The following MAP4K3 variants were observed in gnomAD, a reference collection of about 807,000 sequenced individuals.
MAP4K3 encodes the protein mitogen-activated protein kinase kinase kinase kinase 3, also known as MAPK/ERK kinase kinase kinase 3.
In MAP4K3, 94 loss-of-function variants were observed where a neutral mutation model predicts 143.5. The ratio of observed to expected loss-of-function variants is 0.65; its 90% confidence interval spans 0.55 to 0.78. The LOEUF (loss-of-function observed/expected upper bound fraction) is 0.78, where lower values mean the gene tolerates loss of function less well. Ranked by LOEUF, MAP4K3 falls within the 30% of genes least tolerant of loss-of-function variation. The pLI, the probability that MAP4K3 is intolerant of heterozygous loss-of-function variation, is 0.00. For synonymous variants in MAP4K3, 416 were observed against 347.2 expected (o/e 1.20, Z -2.20); for missense variants, 1,077 against 1,068.1 (o/e 1.01, Z -0.12).
chr2:39,422,859 A>G (rs1308769921), intron 1 of MAP4K3, among the ~76,000 whole-genome samples: 1 of 152,184 alleles, frequency 6.6e-6, no homozygotes, highest in Non-Finnish European at 1.5e-5. Flanking sequence ...CTAAGTGACC[A>G]TGGTCTAGCA....
At chr2:39,422,881 G>A (rs1664918128) in intron 1 of MAP4K3, among the ~76,000 whole-genome samples, 1 of 151,972 alleles carries the variant, frequency 6.6e-6, no homozygotes, top group Non-Finnish European at 1.5e-5. Flanking sequence ...TGAGTTTTTA[G>A]ATACAACACC....
intron 29 of MAP4K3, among the ~76,000 whole-genome samples, chr2:39,259,979 A>G (rs1163490211): frequency 6.6e-6 from 1 of 152,204 alleles, no homozygotes; most frequent in Non-Finnish European, 1.5e-5. Flanking sequence ...TTCATGCACA[A>G]TTGTTTATTA....
chr2:39,275,700 T>C lies in MAP4K3; in HGVS notation c.1794+2707A>G, dbSNP rs369280775. 3.3e-5 allele frequency among the ~76,000 whole-genome samples: 5 copies of C among 152,290 alleles called. No homozygotes were observed. The East Asian group carries it at 7.7e-4, about 23-fold the overall frequency. ...CCTCCCTTTCCCTGTTCTTAGGCACTTTTCAGCCATTTCACTGTACACCAT... is the reference window on the plus strand; with the variant it reads ...CCTCCCTTTCCCTGTTCTTAGGCACCTTTCAGCCATTTCACTGTACACCAT... On this transcript the variant is annotated intron_variant, in intron 24 of 33. Transcript: ENST00000263881.
At chr2:39,272,134 T>A (rs1179089583) in intron 26 of MAP4K3, 149 bp downstream of exon 26, 6 of 514,602 alleles carry the variant, frequency 1.2e-5, no homozygotes, top group Non-Finnish European at 2.0e-5. Flanking sequence ...AAGAGTGTGA[T>A]CACTAAGCAC....
At chr2:39,382,621 C>T (rs549084483) in intron 1 of MAP4K3, among the ~76,000 whole-genome samples, 3 of 152,204 alleles carry the variant, frequency 2.0e-5, no homozygotes, top group East Asian at 3.9e-4. Context: ...AATACTGAAC[C>T]AGCTAGTTGG....
At chr2:39,313,162 T>C (rs1350753844) in intron 13 of MAP4K3, among the ~76,000 whole-genome samples, 9 of 152,234 alleles carry the variant, frequency 5.9e-5, no homozygotes, top group Non-Finnish European at 1.3e-4. Context: ...TTCAAATAAC[T>C]GTTGGTCAAT....
intron 24 of MAP4K3, among the ~76,000 whole-genome samples, chr2:39,273,850 CACA>C (rs1304759086): frequency 6.6e-6 from 1 of 152,122 alleles, no homozygotes; most frequent in African/African-American, 2.4e-5. Context: ...ACAAAAAATT[CACA>C]ACAAAATTGG....
chr2:39,369,797 A>G (rs568353662), intron 2 of MAP4K3, among the ~76,000 whole-genome samples: 4 of 152,296 alleles, frequency 2.6e-5, no homozygotes, highest in Non-Finnish European at 4.4e-5. Context: ...TCCTACCTAG[A>G]TATTCCCAAC....
At chr2:39,320,090 TC>T (rs1222374894) in intron 12 of MAP4K3, among the ~76,000 whole-genome samples, 2 of 152,328 alleles carry the variant, frequency 1.3e-5, no homozygotes, top group African/African-American at 4.8e-5. Context: ...GGCTGTTTTT[TC>T]TTCTCCTGAA....
chr2:39,250,523 G>C lies in MAP4K3; in HGVS notation c.*95C>G. 1.7e-6 allele frequency: 2 copies of C among 1,165,890 alleles called. No homozygotes were observed. The highest frequency in any genetic ancestry group is 2.5e-6 in the Non-Finnish European group (2 of 813,188). The allele number at this position is 1,165,890 out of a possible 1,614,324, so 72.2% of individuals were successfully genotyped here. A position where few individuals can be genotyped will look rare whatever the true frequency, so the allele number is the denominator to read the frequency against. Reference sequence around the variant, plus strand: ...ATAAATTACAAAGTAACTGAAGACAGGTTACTGCAGCTTTTGTACAGCTTC... The same window carrying C: ...ATAAATTACAAAGTAACTGAAGACACGTTACTGCAGCTTTTGTACAGCTTC... On this transcript the variant is annotated 3_prime_UTR_variant, in exon 34 of 34. Transcript: ENST00000263881.
chr2:39,422,350 A>G (rs1197177773), intron 1 of MAP4K3, among the ~76,000 whole-genome samples: 6 of 152,112 alleles, frequency 3.9e-5, no homozygotes, highest in Non-Finnish European at 7.4e-5. Flanking sequence ...TCTCTGCTAT[A>G]TATCTGACTC....
intron 24 of MAP4K3, among the ~76,000 whole-genome samples, chr2:39,274,471 C>T (rs911699294): frequency 6.6e-6 from 1 of 152,116 alleles, no homozygotes; most frequent in Admixed American, 6.5e-5. Flanking sequence ...CCACTCACCT[C>T]GGCCTCCCAA....
chr2:39,420,080 T>C (rs7598583), intron 1 of MAP4K3, among the ~76,000 whole-genome samples: 64,265 of 152,102 alleles, frequency 0.42, 15,599 homozygotes, highest in East Asian at 0.79. Context: ...CCCCCTGGCC[T>C]AGGGTCAGAG....
At chr2:39,278,996 A>C (rs548211298) in intron 23 of MAP4K3, among the ~76,000 whole-genome samples, 5 of 152,176 alleles carry the variant, frequency 3.3e-5, no homozygotes, top group Non-Finnish European at 7.4e-5. Context: ...TATCTTCTAA[A>C]AGATATGAGA....
At chr2:39,354,483 T>C (rs1253225551) in intron 3 of MAP4K3, among the ~76,000 whole-genome samples, 1 of 151,608 alleles carries the variant, frequency 6.6e-6, no homozygotes, top group Non-Finnish European at 1.5e-5. Context: ...CTGTGTGTGG[T>C]GGCGTGTGCC....
chr2:39,293,193 T>C, intron 17 of MAP4K3, 37 bp downstream of exon 17: 1 of 1,423,524 alleles, frequency 7.0e-7, no homozygotes. Context: ...TACTTGTCTG[T>C]GACATAAAGT....
intron 1 of MAP4K3, among the ~76,000 whole-genome samples, chr2:39,413,195 T>C (rs1659074469): frequency 1.3e-5 from 2 of 152,238 alleles, no homozygotes. Flanking sequence ...AAATTCCTTG[T>C]ATCAGAAAGA....
chr2:39,419,428 A>G (rs889512295), intron 1 of MAP4K3, among the ~76,000 whole-genome samples: 3 of 152,212 alleles, frequency 2.0e-5, no homozygotes, highest in African/African-American at 7.2e-5. Flanking sequence ...ACCTTATAGA[A>G]ATATTCTCTA....
At chr2:39,329,077 T>C (rs1223203970) in intron 8 of MAP4K3, among the ~76,000 whole-genome samples, 3 of 152,190 alleles carry the variant, frequency 2.0e-5, no homozygotes, top group East Asian at 1.9e-4. Context: ...TTTACCTAAT[T>C]CACAATTTCA....
Sources: gnomAD v4.1 joint callset for allele counts (sites outside exome capture counted in the v4.1 genomes callset) on GRCh38, gnomAD v4.1.1 for gene constraint, MANE v1.5 for transcripts, NCBI Gene and HGNC (gene_info 2026-07-23, HGNC 2026-07-21) for gene names.